The following SMARCC2 variants were observed in gnomAD, a reference collection of about 807,000 sequenced individuals.
The protein encoded by SMARCC2 is SWI/SNF related BAF chromatin remodeling complex subunit C2.
SMARCC2 carries 15 observed loss-of-function variants against 151.3 expected under a neutral mutation model. The observed-to-expected ratio is 0.10, with a 90% CI of 0.07 to 0.15. The LOEUF (loss-of-function observed/expected upper bound fraction) is 0.15. SMARCC2 is among the 10% of genes least tolerant of loss of function. The pLI is 1.00. For missense variants in SMARCC2, 1,031 were observed against 1,599.7 expected (o/e 0.64, Z 6.06); for synonymous variants, 590 against 609.5 (o/e 0.97, Z 0.47).
intron 5 of SMARCC2, chr12:56,184,621 C>T (rs765532933): frequency 1.8e-6 from 1 of 561,912 alleles, no homozygotes; most frequent in Non-Finnish European, 3.2e-6. Flanking sequence ...TTTCCCCAGG[C>T]CAACATAGTC....
Position 56,183,497 on chromosome 12 carries a change from T to C in SMARCC2, c.632+364A>G, listed in dbSNP as rs2135743526. On this transcript the variant is annotated intron_variant, in intron 7 of 28. Transcript: ENST00000550164. The stretch of plus-strand genomic sequence containing the variant: ...TGCTACTTTTTGCAATTATTAATAA[T>C]ATTCACTTATAAATTATCCATGTTA... The C allele has an allele frequency of 1.2e-5, 2 of 166,328 alleles. 1 individual carries two copies. Among genetic ancestry groups the C allele is most frequent in the Middle Eastern group, 6.0e-3 (2 of 336 alleles). 10.3% of individuals were successfully genotyped at this position (166,328 alleles called of 1,614,324 possible).
At chr12:56,179,444 T>A (rs892463223) in intron 11 of SMARCC2, among the ~76,000 whole-genome samples, 2 of 152,046 alleles carry the variant, frequency 1.3e-5, no homozygotes, top group African/African-American at 4.8e-5. Context: ...ATACATATGC[T>A]CAGGAGCAAA....
intron 16 of SMARCC2, chr12:56,174,394 G>A (rs1179776311): frequency 8.6e-6 from 3 of 349,460 alleles, no homozygotes; most frequent in Non-Finnish European, 1.6e-5. Context: ...TTATAGGCAT[G>A]AGCCACCACA....
In SMARCC2 at chr12:56,179,073, T is replaced by C; in HGVS notation, c.1082-17A>G. The C allele has an allele frequency of 6.2e-7, 1 of 1,612,560 alleles. No individual in the cohort carries two copies. The highest frequency in any genetic ancestry group is 8.5e-7 in the Non-Finnish European group (1 of 1,178,760). ...TTGTGTTGACTGCGAAAACAGAGAG[T>C]CATTTTATCAGACAGATTTTGCCTA... is the stretch of plus-strand genomic sequence containing the variant. On this transcript the variant is annotated splice_polypyrimidine_tract_variant and intron_variant, in intron 11 of 28. Coordinates refer to ENST00000550164, the MANE Select transcript of SMARCC2 (RefSeq NM_001330288.2).
At chr12:56,164,823 T>C (rs924740248) in intron 27 of SMARCC2, 92 bp from the exon 28 acceptor site, 1 of 1,105,850 alleles carries the variant, frequency 9.0e-7, no homozygotes, top group African/African-American at 1.6e-5. Context: ...GGAGTCTCAC[T>C]CTGTCACCAG....
intron 15 of SMARCC2, 65 bp downstream of exon 15, chr12:56,177,957 G>A (rs1304670690): frequency 9.1e-7 from 1 of 1,094,332 alleles, no homozygotes; most frequent in Admixed American, 1.9e-5. Context: ...GAATGTTACT[G>A]GATCAGGAAG....
chr12:56,171,534 G>A lies in SMARCC2; in HGVS notation c.2186-102C>T. ...CAAGCCCATGTCTTCATCTAAGCTA[G>A]TATGGAGCCTAGACAGGTGCCTGAG... is the stretch of plus-strand genomic sequence containing the variant. On this transcript the variant is annotated intron_variant, in intron 21 of 28. Coordinates refer to ENST00000550164, the MANE Select transcript of SMARCC2 (RefSeq NM_001330288.2). This position sits in a 1 kb window ranked among gnomAD's most constrained non-coding sequence, Gnocchi z 4.2. 1 of 1,530,406 alleles carries A rather than the reference G, an allele frequency of 6.5e-7. No individual in the cohort carries two copies. Among genetic ancestry groups the A allele is most frequent in the Non-Finnish European group, 9.0e-7 (1 of 1,116,812 alleles). The allele number at this position is 1,530,406 out of a possible 1,614,324, so 94.8% of individuals were successfully genotyped here. A position where few individuals can be genotyped will look rare whatever the true frequency, so the allele number is the denominator to read the frequency against.
At chr12:56,174,072 C>T (rs1261502455) in intron 16 of SMARCC2, among the ~76,000 whole-genome samples, 2 of 152,188 alleles carry the variant, frequency 1.3e-5, no homozygotes, top group Admixed American at 6.5e-5. Flanking sequence ...GGGCCAATCT[C>T]TATATCTACC....
At position 56,174,641 on chromosome 12, in the gene SMARCC2, C is replaced by G; in HGVS notation, c.1496+10G>C. ...TCATGTACCCCCTTCCCCTCAGCCACAAGACCCACCTCATGATGGCACAGA... is the reference window on the plus strand; with the variant it reads ...TCATGTACCCCCTTCCCCTCAGCCAGAAGACCCACCTCATGATGGCACAGA... On this transcript the variant is annotated intron_variant, in intron 16 of 28. Coordinates refer to ENST00000550164, the MANE Select transcript of SMARCC2 (RefSeq NM_001330288.2). 6.3e-6 allele frequency: 10 copies of G among 1,594,510 alleles called. No homozygotes were observed. Among genetic ancestry groups the G allele is most frequent in the Non-Finnish European group, 8.6e-6 (10 of 1,162,636 alleles).
chr12:56,182,481 C>A (rs940855348), intron 7 of SMARCC2, among the ~76,000 whole-genome samples: 1 of 151,662 alleles, frequency 6.6e-6, no homozygotes, highest in African/African-American at 2.4e-5. Flanking sequence ...CCTGCCACTG[C>A]GCCCGGCTAA....
At chr12:56,186,475 T>C (rs1364743754) in intron 2 of SMARCC2, 4 of 482,228 alleles carry the variant, frequency 8.3e-6, no homozygotes, top group Non-Finnish European at 1.5e-5. Flanking sequence ...CTCAGCCTCC[T>C]GAGTAGCTGG....
At chr12:56,188,246 A>G (rs1410921191) in intron 1 of SMARCC2, among the ~76,000 whole-genome samples, 2 of 152,200 alleles carry the variant, frequency 1.3e-5, no homozygotes, top group East Asian at 1.9e-4. Flanking sequence ...AAGCCTGGGA[A>G]TAAGAGCCTC....
chr12:56,176,367 TGTTCA>T (rs748907744), intron 15 of SMARCC2, among the ~76,000 whole-genome samples: 1 of 152,210 alleles, frequency 6.6e-6, no homozygotes, highest in Non-Finnish European at 1.5e-5. Context: ...GAAGAAAACT[TGTTCA>T]GTTCTCAGTC....
chr12:56,169,114 T>G (rs1873409327), intron 25 of SMARCC2, among the ~76,000 whole-genome samples: 1 of 151,892 alleles, frequency 6.6e-6, no homozygotes, highest in Admixed American at 6.6e-5. Context: ...GCCAACATGG[T>G]GAAACCCCAT....
Position 56,187,249 on chromosome 12 carries a change from G to A in SMARCC2, c.169C>T (p.Leu57=). The A allele has an allele frequency of 2.5e-6, 4 of 1,613,924 alleles. No individual in the cohort carries two copies. Among genetic ancestry groups the A allele is most frequent in the Non-Finnish European group, 3.4e-6 (4 of 1,179,850 alleles). ...CCAAAAACTTCTTCCTGAAATTGTA[G>A]CAACTGTACAACCAGGCTAGACAGG... ...KSLSSLVVQL[L]QFQEEVFGKH... is the part of the protein sequence containing the mutation. The change falls in exon 2 of 29, where the codon CTA becomes TTA. Residue 57 remains leucine, a synonymous_variant. Transcript: ENST00000550164.
intron 11 of SMARCC2, among the ~76,000 whole-genome samples, chr12:56,179,535 A>C (rs1350528161): frequency 6.6e-6 from 1 of 152,162 alleles, no homozygotes; most frequent in Non-Finnish European, 1.5e-5. Context: ...CTACCCCTGA[A>C]ATACACTTCT....
intron 16 of SMARCC2, 110 bp from the exon 17 acceptor site, chr12:56,173,959 G>T (rs754037574): frequency 1.3e-5 from 13 of 963,302 alleles, no homozygotes; most frequent in Non-Finnish European, 1.9e-5. Flanking sequence ...ACCCAACCCC[G>T]GCCTTTTCCT....
At chr12:56,187,092 T>G in intron 2 of SMARCC2, 95 bp downstream of exon 2, 1 of 1,372,414 alleles carries the variant, frequency 7.3e-7, no homozygotes, top group East Asian at 2.4e-5. Flanking sequence ...TTTCAAAAAT[T>G]ACAAAATTCA....
At chr12:56,184,298 G>A in intron 5 of SMARCC2, 54 bp from the exon 6 acceptor site, 1 of 1,343,738 alleles carries the variant, frequency 7.4e-7, no homozygotes, top group Non-Finnish European at 1.1e-6. Flanking sequence ...AATTACTCAA[G>A]GTTTAGCCAC....
Sources: allele counts gnomAD v4.1 joint callset (sites outside exome capture counted in the v4.1 genomes callset), GRCh38; gene constraint gnomAD v4.1.1; non-coding constraint Gnocchi (gnomAD v3.1); transcripts MANE v1.5; gene names NCBI Gene and HGNC (gene_info 2026-07-23, HGNC 2026-07-21).